Variants in PDE4D observed in about 807,000 individuals in gnomAD.
PDE4D encodes the protein 3',5'-cyclic-AMP phosphodiesterase 4D.
Under a neutral mutation model 87.4 loss-of-function variants are expected in PDE4D, and 24 were observed. The observed-to-expected ratio is 0.27, with a 90% CI of 0.20 to 0.39. The LOEUF (loss-of-function observed/expected upper bound fraction) is 0.39, where lower values mean the gene tolerates loss of function less well. Ranked by LOEUF, PDE4D falls within the 10% of genes least tolerant of loss-of-function variation. PDE4D has a pLI of 1.00. For synonymous variants in PDE4D, 384 were observed against 383.2 expected, an observed-to-expected ratio of 1.00 and a Z score of -0.02; for missense variants, 714 against 1,041.0, an observed-to-expected ratio of 0.69 and a Z score of 4.32.
intron 2 of PDE4D, among the ~76,000 whole-genome samples, chr5:60,140,194 T>C (rs768610761): frequency 6.6e-5 from 10 of 152,140 alleles, no homozygotes; most frequent in Non-Finnish European, 1.5e-4. Context: ...TCAAAGTGCA[T>C]ATTATATCCA....
At chr5:59,318,848 G>A (rs1375091593) in intron 1 of PDE4D, among the ~76,000 whole-genome samples, 2 of 151,970 alleles carry the variant, frequency 1.3e-5, no homozygotes, top group African/African-American at 4.8e-5. Context: ...CTATGTTATA[G>A]AAGTCTAGTT....
chr5:59,112,862 G>A (rs927403727), intron 5 of PDE4D, among the ~76,000 whole-genome samples: 6 of 147,684 alleles, frequency 4.1e-5, no homozygotes, highest in East Asian at 2.0e-4. Flanking sequence ...GTGCAGTGGC[G>A]CGATCTCAGC....
chr5:59,214,507 A>G (rs1323431110), intron 2 of PDE4D, among the ~76,000 whole-genome samples: 1 of 152,130 alleles, frequency 6.6e-6, no homozygotes, highest in African/African-American at 2.4e-5. Context: ...CCTGCAGTAC[A>G]TGATAAATGC....
chr5:59,029,660 C>T (rs936304278), intron 6 of PDE4D, among the ~76,000 whole-genome samples: 2 of 150,446 alleles, frequency 1.3e-5, no homozygotes, highest in African/African-American at 4.9e-5. Context: ...ATTCCAATGT[C>T]TTTTTTTTTC....
chr5:60,351,426 T>C (rs2149926403), intron 1 of PDE4D, among the ~76,000 whole-genome samples: 1 of 152,284 alleles, frequency 6.6e-6, no homozygotes, highest in East Asian at 1.9e-4. Flanking sequence ...AGAGGAAATA[T>C]TGCATGGGCC....
chr5:59,293,137 A>G (rs1295194374), intron 1 of PDE4D, among the ~76,000 whole-genome samples: 3 of 152,212 alleles, frequency 2.0e-5, no homozygotes, highest in Non-Finnish European at 4.4e-5. Flanking sequence ...TTTCTCTGGA[A>G]TAACTGAACA....
chr5:60,181,369 G>A (rs745537881), intron 2 of PDE4D, among the ~76,000 whole-genome samples: 3 of 152,146 alleles, frequency 2.0e-5, no homozygotes, highest in Non-Finnish European at 4.4e-5. Flanking sequence ...AATTTCACCA[G>A]ATGGGCTCCT....
chr5:59,240,729 C>T (rs555511332), intron 1 of PDE4D, among the ~76,000 whole-genome samples: 14 of 151,848 alleles, frequency 9.2e-5, no homozygotes, highest in African/African-American at 2.7e-4. Flanking sequence ...CCTTTGAGAA[C>T]GACATGACTT....
intron 1 of PDE4D, among the ~76,000 whole-genome samples, chr5:60,443,806 G>A (rs889250488): frequency 6.6e-6 from 1 of 152,108 alleles, no homozygotes; most frequent in African/African-American, 2.4e-5. Context: ...TTAGCTGGCT[G>A]TCATACCCCC....
intron 2 of PDE4D, among the ~76,000 whole-genome samples, chr5:60,052,525 G>A (rs1582401449): frequency 6.6e-6 from 1 of 152,110 alleles, no homozygotes; most frequent in Non-Finnish European, 1.5e-5. Flanking sequence ...ACTAGGTATT[G>A]ATGAAACATA....
chr5:59,159,304 T>TA (rs976598374), intron 5 of PDE4D, among the ~76,000 whole-genome samples: 2 of 27,788 alleles, frequency 7.2e-5, no homozygotes, highest in Non-Finnish European at 2.0e-4. Flanking sequence ...AATTTTTGTA[T>TA]TTTTTTTTTG....
chr5:59,464,516 C>A (rs1453637041), intron 1 of PDE4D, among the ~76,000 whole-genome samples: 1 of 152,210 alleles, frequency 6.6e-6, no homozygotes, highest in African/African-American at 2.4e-5. Context: ...TGCTGACCCT[C>A]TCCCCACTAT....
chr5:59,967,041 G>A (rs866531509), intron 3 of PDE4D, among the ~76,000 whole-genome samples: 5 of 152,012 alleles, frequency 3.3e-5, no homozygotes, highest in African/African-American at 9.7e-5. Context: ...TTTTTATGGC[G>A]AGCTGACCTG....
chr5:59,511,033 C>A (rs939193610), intron 1 of PDE4D, among the ~76,000 whole-genome samples: 3 of 151,894 alleles, frequency 2.0e-5, no homozygotes, highest in Non-Finnish European at 4.4e-5. Flanking sequence ...GCAGGTCTTA[C>A]TCAAATAGCA....
intron 1 of PDE4D, among the ~76,000 whole-genome samples, chr5:60,426,258 T>G (rs1050809004): frequency 1.3e-5 from 2 of 152,168 alleles, no homozygotes; most frequent in Non-Finnish European, 1.5e-5. Context: ...CTATTCACAA[T>G]AGCAAAGACT....
At chr5:60,147,735 T>G (rs1781134289) in intron 2 of PDE4D, 2 of 454,810 alleles carry the variant, frequency 4.4e-6, no homozygotes, top group East Asian at 7.0e-5. Flanking sequence ...GAAGCACTTC[T>G]CGAGTCACTC....
intron 1 of PDE4D, among the ~76,000 whole-genome samples, chr5:59,648,010 G>A (rs1742762106): frequency 6.6e-6 from 1 of 152,120 alleles, no homozygotes; most frequent in South Asian, 2.1e-4. Flanking sequence ...AATTCTCTGT[G>A]TGATTATGTA....
At chr5:59,202,303 G>A (rs1322034261) in intron 2 of PDE4D, among the ~76,000 whole-genome samples, 2 of 152,008 alleles carry the variant, frequency 1.3e-5, no homozygotes, top group African/African-American at 4.8e-5. Flanking sequence ...GCCTCCCAAA[G>A]TGCTGGGATT....
At chr5:59,918,525 C>A (rs948124787) in intron 3 of PDE4D, among the ~76,000 whole-genome samples, 5 of 152,096 alleles carry the variant, frequency 3.3e-5, no homozygotes, top group Admixed American at 6.6e-5. Flanking sequence ...AAAAGTGATG[C>A]CCTGTCACTC....
Sources: allele counts gnomAD v4.1 joint callset (sites outside exome capture counted in the v4.1 genomes callset), GRCh38; gene constraint gnomAD v4.1.1; transcripts MANE v1.5; gene names NCBI Gene and HGNC (gene_info 2026-07-23, HGNC 2026-07-21).